Variants in ABLIM3 observed in about 807,000 individuals in gnomAD.
The protein encoded by ABLIM3 is actin-binding LIM protein 3.
A neutral mutation model predicts 109.5 loss-of-function variants in ABLIM3; 61 were observed. The ratio of observed to expected loss-of-function variants is 0.56; its 90% CI spans 0.45 to 0.69. The LOEUF (loss-of-function observed/expected upper bound fraction) is 0.69, where lower values mean the gene tolerates loss of function less well. Ranked by LOEUF, ABLIM3 falls within the 30% of genes least tolerant of loss-of-function variation. ABLIM3 has a pLI of 0.00. For synonymous variants in ABLIM3, 300 were observed against 324.8 expected (o/e 0.92, Z 0.82); for missense variants, 796 against 889.5 (o/e 0.89, Z 1.34).
At chr5:149,227,246 A>C (rs1319263773) in intron 8 of ABLIM3, among the ~76,000 whole-genome samples, 1 of 152,154 alleles carries the variant, frequency 6.6e-6, no homozygotes, top group Non-Finnish European at 1.5e-5. Flanking sequence ...AATGGCCTTA[A>C]TACCTGGCTG....
chr5:149,239,983 T>C lies in ABLIM3; in HGVS notation c.1204+95T>C. 24 of 1,459,482 alleles carry C rather than the reference T, an allele frequency of 1.6e-5. No homozygotes were observed. The South Asian group carries it at 3.0e-4, about 18-fold the overall frequency. 90.4% of individuals were successfully genotyped at this position (1,459,482 alleles called of 1,614,324 possible). A position where few individuals can be genotyped will look rare whatever the true frequency, so the allele number is the denominator to read the frequency against. On this transcript the variant is annotated intron_variant, in intron 13 of 23. Transcript: ENST00000309868. ...CTGCAGAGGGCACAAGGCTCCCCCA[T>C]GATCTCCATCACAGTGTGGCCCTCT...
At chr5:149,183,428 G>A in intron 2 of ABLIM3, 24 bp from the exon 3 acceptor site, 3 of 1,501,308 alleles carry the variant, frequency 2.0e-6, no homozygotes, top group South Asian at 2.7e-5. Flanking sequence ...CCTCTGGATA[G>A]TGATCTCTTT....
intron 8 of ABLIM3, among the ~76,000 whole-genome samples, chr5:149,225,696 C>T (rs1016989242): frequency 2.6e-5 from 4 of 151,972 alleles, no homozygotes; most frequent in Admixed American, 2.0e-4. Flanking sequence ...TCTTTTATCC[C>T]CTACCCCTTT....
At chr5:149,172,283 C>T (rs1175464514) in intron 2 of ABLIM3, among the ~76,000 whole-genome samples, 1 of 152,154 alleles carries the variant, frequency 6.6e-6, no homozygotes, top group Non-Finnish European at 1.5e-5. Flanking sequence ...ATATCATATG[C>T]ACTACAAAAT....
chr5:149,177,301 G>A (rs1756026937), intron 2 of ABLIM3, among the ~76,000 whole-genome samples: 1 of 152,174 alleles, frequency 6.6e-6, no homozygotes, highest in African/African-American at 2.4e-5. Flanking sequence ...CACCTGCATG[G>A]TCCTTGGAGT....
intron 21 of ABLIM3, among the ~76,000 whole-genome samples, chr5:149,251,764 A>G (rs188429396): frequency 6.6e-6 from 1 of 152,294 alleles, no homozygotes; most frequent in East Asian, 1.9e-4. Flanking sequence ...CACTGTTCCC[A>G]GTAAGAATTC....
intron 7 of ABLIM3, among the ~76,000 whole-genome samples, chr5:149,213,866 C>T (rs1235716689): frequency 6.6e-6 from 1 of 151,854 alleles, no homozygotes; most frequent in Non-Finnish European, 1.5e-5. Context: ...ACTAGTTCAA[C>T]CTCTTCATTT....
Position 149,259,752 on chromosome 5 carries a change from C to A in ABLIM3, c.*1348C>A. 1.5e-6 allele frequency: 1 copy of A among 686,750 alleles called. No homozygotes were observed. Among genetic ancestry groups the A allele is most frequent in the Non-Finnish European group, 2.4e-6 (1 of 411,502 alleles). 42.5% of individuals were successfully genotyped at this position (686,750 alleles called of 1,614,324 possible). A position where few individuals can be genotyped will look rare whatever the true frequency, so the allele number is the denominator to read the frequency against. Reference sequence around the variant, plus strand: ...GGGGGCTGTTCCTTCTTGGAGAAGCCTTGAGTCGGACCATTTTGAGATCAT... The same window carrying A: ...GGGGGCTGTTCCTTCTTGGAGAAGCATTGAGTCGGACCATTTTGAGATCAT... On this transcript the variant is annotated 3_prime_UTR_variant, in exon 24 of 24. Coordinates refer to ENST00000309868, the MANE Select transcript of ABLIM3 (RefSeq NM_014945.5).
At chr5:149,186,479 A>T (rs1374715667) in intron 3 of ABLIM3, among the ~76,000 whole-genome samples, 2 of 152,182 alleles carry the variant, frequency 1.3e-5, no homozygotes, top group East Asian at 3.8e-4. Context: ...CTTTACATGG[A>T]TTCATGACTA....
Position 149,161,128 on chromosome 5 carries a change from C to G in ABLIM3, c.13+19020C>G, listed in dbSNP as rs199905224. Reference sequence around the variant, plus strand: ...TAGTCCCAGGTCCGGAGCCTGTCCTCTAGCCCAGGGCACCTGGGCATCACC... The same window carrying G: ...TAGTCCCAGGTCCGGAGCCTGTCCTGTAGCCCAGGGCACCTGGGCATCACC... On this transcript the variant is annotated intron_variant, in intron 2 of 23. Transcript: ENST00000309868. 2.0e-5 allele frequency among the ~76,000 whole-genome samples: 3 copies of G among 152,330 alleles called. No homozygotes were observed. In the East Asian group the frequency reaches 5.8e-4, roughly 29 times the overall value.
intron 7 of ABLIM3, among the ~76,000 whole-genome samples, chr5:149,213,312 A>G (rs1410248417): frequency 6.6e-6 from 1 of 152,126 alleles, no homozygotes; most frequent in Admixed American, 6.5e-5. Context: ...AGTGAAAGCG[A>G]CTCAGAAAGA....
At chr5:149,244,793 CT>C in intron 15 of ABLIM3, 87 bp from the exon 16 acceptor site, 1 of 1,558,668 alleles carries the variant, frequency 6.4e-7, no homozygotes, top group Non-Finnish European at 8.8e-7. Context: ...CTCCCCTGGG[CT>C]GGAGCCTGGT....
At chr5:149,242,291 T>C (rs2127561504) in intron 14 of ABLIM3, among the ~76,000 whole-genome samples, 200 bp from the exon 15 acceptor site, 1 of 152,242 alleles carries the variant, frequency 6.6e-6, no homozygotes, top group African/African-American at 2.4e-5. Context: ...CGCACCTTAC[T>C]TGGAACCTGT....
At chr5:149,206,849 T>G (rs1051292959) in intron 5 of ABLIM3, among the ~76,000 whole-genome samples, 159 bp from the exon 6 acceptor site, 2 of 149,072 alleles carry the variant, frequency 1.3e-5, no homozygotes, top group Non-Finnish European at 3.0e-5. Flanking sequence ...AGTGGCTTTT[T>G]CTCTCCCCTG....
chr5:149,177,098 C>G (rs1291609297), intron 2 of ABLIM3: 1 of 152,232 alleles, frequency 6.6e-6, no homozygotes, highest in Non-Finnish European at 1.5e-5. Context: ...ATGAATGAAA[C>G]AATGACACAA....
intron 8 of ABLIM3, chr5:149,220,720 C>T (rs1329998889): frequency 2.0e-5 from 3 of 152,186 alleles, no homozygotes; most frequent in Non-Finnish European, 2.9e-5. Context: ...CCAGGACTCC[C>T]GGGTTCAAGC....
At chr5:149,191,000 G>T (rs951284920) in intron 3 of ABLIM3, among the ~76,000 whole-genome samples, 3 of 152,004 alleles carry the variant, frequency 2.0e-5, no homozygotes, top group African/African-American at 4.8e-5. Flanking sequence ...TAATAGAAAA[G>T]AATTAAGTTC....
chr5:149,210,908 A>G, intron 7 of ABLIM3, 89 bp downstream of exon 7: 1 of 1,261,220 alleles, frequency 7.9e-7, no homozygotes, highest in Non-Finnish European at 1.2e-6. Flanking sequence ...GTCATCCCAT[A>G]CCTTTTTTTC....
chr5:149,242,391 C>G (rs1471220416), intron 14 of ABLIM3, 100 bp from the exon 15 acceptor site: 2 of 1,237,758 alleles, frequency 1.6e-6, no homozygotes, highest in Non-Finnish European at 2.4e-6. Flanking sequence ...GCCCATCTCT[C>G]TCTTCTGAGA....
Sources: gnomAD v4.1 joint callset for allele counts (sites outside exome capture counted in the v4.1 genomes callset) on GRCh38, gnomAD v4.1.1 for gene constraint, MANE v1.5 for transcripts, NCBI Gene and HGNC (gene_info 2026-07-23, HGNC 2026-07-21) for gene names.